Variants in SOX5 observed in about 807,000 individuals in gnomAD.
The protein encoded by SOX5 is transcription factor SOX-5.
A neutral mutation model predicts 92.0 loss-of-function variants in SOX5; 9 were observed. The observed-to-expected ratio is 0.10, with a 90% CI of 0.06 to 0.17. SOX5 has a LOEUF of 0.17. Ranked by LOEUF, SOX5 falls within the 10% of genes least tolerant of loss-of-function variation. SOX5 has a pLI of 1.00. For missense variants in SOX5, 642 were observed against 944.5 expected, an observed-to-expected ratio of 0.68 and a Z score of 4.20; for synonymous variants, 344 against 336.3, an observed-to-expected ratio of 1.02 and a Z score of -0.25.
At chr12:23,537,006 GAT>G (rs1477135597) in intron 13 of SOX5, among the ~76,000 whole-genome samples, 1 of 151,952 alleles carries the variant, frequency 6.6e-6, no homozygotes, top group Non-Finnish European at 1.5e-5. Context: ...AAAGTTACAT[GAT>G]ATGTTATCAT....
intron 3 of SOX5, among the ~76,000 whole-genome samples, chr12:24,217,514 T>A (rs1451651718): frequency 6.6e-6 from 1 of 152,186 alleles, no homozygotes; most frequent in East Asian, 1.9e-4. Flanking sequence ...GACATACACC[T>A]ACATGTAGAA....
At chr12:24,505,706 T>C (rs751217039) in intron 1 of SOX5, among the ~76,000 whole-genome samples, 2 of 152,200 alleles carry the variant, frequency 1.3e-5, no homozygotes, top group Non-Finnish European at 2.9e-5. Context: ...ATTACATAAC[T>C]TCTGAAACCC....
chr12:23,743,091 C>T (rs1358393834), intron 4 of SOX5, among the ~76,000 whole-genome samples: 1 of 151,866 alleles, frequency 6.6e-6, no homozygotes. Context: ...TATTTTGTAA[C>T]CATAAAAAAT....
At chr12:23,899,147 C>T (rs1470505177) in intron 1 of SOX5, among the ~76,000 whole-genome samples, 1 of 152,070 alleles carries the variant, frequency 6.6e-6, no homozygotes, top group African/African-American at 2.4e-5. Context: ...CAGTGGCTCA[C>T]GCCTATAATC....
Position 24,256,307 on chromosome 12 carries a change from A to G in SOX5, c.-77+20909T>C, listed in dbSNP as rs1292301655. 2.0e-5 allele frequency among the ~76,000 whole-genome samples: 3 copies of G among 152,208 alleles called. No homozygotes were observed. In the East Asian group the frequency reaches 5.8e-4, roughly 29 times the overall value. On this transcript the variant is annotated intron_variant, in intron 3 of 4. Transcript: ENST00000446891. Reference sequence around the variant, plus strand: ...ACACCTTTTAGCTCAGCTTTCATTTAATTTATGGCTTTCCATTCTGTAGTC... The same window carrying G: ...ACACCTTTTAGCTCAGCTTTCATTTGATTTATGGCTTTCCATTCTGTAGTC...
intron 4 of SOX5, among the ~76,000 whole-genome samples, chr12:24,162,609 A>G (rs34362406): frequency 0.033 from 4,995 of 152,246 alleles, 104 homozygotes; most frequent in South Asian, 0.076. Flanking sequence ...CGTGGCTTAC[A>G]ATTCCATCAG....
At chr12:23,719,674 T>C (rs962488878) in intron 6 of SOX5, among the ~76,000 whole-genome samples, 1 of 151,134 alleles carries the variant, frequency 6.6e-6, no homozygotes, top group Admixed American at 6.6e-5. Context: ...GGACAATTGC[T>C]TGAGCCCTGA....
intron 4 of SOX5, among the ~76,000 whole-genome samples, chr12:24,187,133 C>G (rs1956093519): frequency 6.6e-6 from 1 of 152,160 alleles, no homozygotes; most frequent in African/African-American, 2.4e-5. Flanking sequence ...CATGGATATT[C>G]TACCTGGGGC....
chr12:24,313,110 T>C (rs1949351045), intron 2 of SOX5, among the ~76,000 whole-genome samples: 1 of 152,160 alleles, frequency 6.6e-6, no homozygotes, highest in Admixed American at 6.6e-5. Context: ...TCACTGGGCT[T>C]TCTTACTACT....
intron 10 of SOX5, among the ~76,000 whole-genome samples, chr12:23,570,926 AAAAAATATATATATAT>A (rs1948165926): frequency 2.4e-5 from 1 of 41,544 alleles, no homozygotes; most frequent in East Asian, 8.3e-4. Context: ...AAAAAAAAAA[AAAAAATATATATATAT>A]ATATATATAT....
chr12:24,034,517 C>A (rs1462369190), intron 4 of SOX5, among the ~76,000 whole-genome samples: 1 of 151,208 alleles, frequency 6.6e-6, no homozygotes, highest in Non-Finnish European at 1.5e-5. Flanking sequence ...TTTCACTTCT[C>A]AAAACTGAAT....
At chr12:23,868,510 G>C (rs538782302) in intron 2 of SOX5, among the ~76,000 whole-genome samples, 1 of 151,972 alleles carries the variant, frequency 6.6e-6, no homozygotes, top group Non-Finnish European at 1.5e-5. Flanking sequence ...ACTTTTGCTC[G>C]TGGTAATCTC....
At chr12:24,095,046 A>G (rs1235396960) in intron 4 of SOX5, among the ~76,000 whole-genome samples, 1 of 151,540 alleles carries the variant, frequency 6.6e-6, no homozygotes, top group Non-Finnish European at 1.5e-5. Context: ...AAAAGATTGT[A>G]CATTACAAAT....
chr12:23,585,544 C>T (rs1251927199), intron 9 of SOX5, among the ~76,000 whole-genome samples: 1 of 152,086 alleles, frequency 6.6e-6, no homozygotes. Context: ...AATTTAAATG[C>T]AAAACTCACT....
At chr12:24,046,435 A>G (rs1451069640) in intron 4 of SOX5, among the ~76,000 whole-genome samples, 2 of 152,210 alleles carry the variant, frequency 1.3e-5, no homozygotes, top group Non-Finnish European at 2.9e-5. Context: ...AGAAAGCATG[A>G]GTTATCTGGC....
intron 1 of SOX5, among the ~76,000 whole-genome samples, chr12:24,445,295 A>G (rs549372786): frequency 5.9e-5 from 9 of 152,352 alleles, no homozygotes; most frequent in Admixed American, 6.5e-5. Flanking sequence ...ACGTTAAAAC[A>G]TTATGCTTGT....
At chr12:24,032,734 T>C (rs1296607833) in intron 4 of SOX5, among the ~76,000 whole-genome samples, 13 of 151,888 alleles carry the variant, frequency 8.6e-5, no homozygotes, top group Non-Finnish European at 1.5e-5. Context: ...TTATAGTTAC[T>C]ATCCGAAAGA....
At chr12:23,864,094 T>C (rs1371316800) in intron 2 of SOX5, among the ~76,000 whole-genome samples, 1 of 152,094 alleles carries the variant, frequency 6.6e-6, no homozygotes, top group East Asian at 1.9e-4. Flanking sequence ...TCTTGCAATA[T>C]TCCCTATTTT....
At chr12:23,560,962 C>A (rs1946097006) in intron 11 of SOX5, among the ~76,000 whole-genome samples, 1 of 152,110 alleles carries the variant, frequency 6.6e-6, no homozygotes, top group African/African-American at 2.4e-5. Flanking sequence ...CAAGAGTTTG[C>A]CATACTACTA....
Sources: allele counts gnomAD v4.1 joint callset (sites outside exome capture counted in the v4.1 genomes callset), GRCh38; gene constraint gnomAD v4.1.1; transcripts MANE v1.5; gene names NCBI Gene and HGNC (gene_info 2026-07-23, HGNC 2026-07-21).